DCN: variants seen among roughly 807,000 people sequenced by gnomAD.
DCN encodes bone proteoglycan II.
DCN carries 17 observed loss-of-function variants against 36.5 expected under a neutral mutation model. The ratio of observed to expected loss-of-function variants is 0.47; its 90% CI spans 0.32 to 0.70. DCN has a LOEUF of 0.70. Among genes scored for constraint, DCN ranks in the 30% least tolerant of loss-of-function variants. DCN has a pLI of 0.04. For synonymous variants in DCN, 163 were observed against 161.4 expected, an observed-to-expected ratio of 1.01 and a Z score of -0.07; for missense variants, 389 against 430.1, an observed-to-expected ratio of 0.90 and a Z score of 0.84.
Position 91,143,095 on chromosome 12 carries a change from G to T in DCN, c.*2963C>A, listed in dbSNP as rs924150851. On this transcript the variant is annotated 3_prime_UTR_variant, in exon 8 of 8. Coordinates refer to ENST00000052754, the MANE Select transcript of DCN (RefSeq NM_001920.5). ...CACATGAGAGAGAAGGCCATGTGAGGGTGAAGATGGAGGCATAAATTAGAG... is the reference window on the plus strand; with the variant it reads ...CACATGAGAGAGAAGGCCATGTGAGTGTGAAGATGGAGGCATAAATTAGAG... The T allele has an allele frequency of 6.6e-6, 1 of 152,192 alleles. No homozygotes were observed. The highest frequency in any genetic ancestry group is 1.9e-4 in the East Asian group (1 of 5,176). 9.4% of individuals were successfully genotyped at this position (152,192 alleles called of 1,614,324 possible).
chr12:91,162,044 G>C (rs527449777), intron 3 of DCN, among the ~76,000 whole-genome samples: 2 of 151,710 alleles, frequency 1.3e-5, no homozygotes, highest in African/African-American at 2.4e-5. Context: ...GGGTTCAAGC[G>C]ATTCTCCTGC....
intron 3 of DCN, among the ~76,000 whole-genome samples, chr12:91,162,170 A>C (rs1592692701): frequency 6.6e-6 from 1 of 151,744 alleles, no homozygotes; most frequent in Admixed American, 6.6e-5. Flanking sequence ...TGATCTCTTA[A>C]CCTTGTGATC....
At chr12:91,180,866 G>A (rs1868368180) in intron 1 of DCN, 2 of 152,128 alleles carry the variant, frequency 1.3e-5, no homozygotes, top group African/African-American at 4.8e-5. Flanking sequence ...CAAAGTCATT[G>A]CAGATTTAAT....
At chr12:91,155,937 A>G (rs1370030025) in intron 5 of DCN, among the ~76,000 whole-genome samples, 2 of 152,166 alleles carry the variant, frequency 1.3e-5, no homozygotes, top group Non-Finnish European at 2.9e-5. Flanking sequence ...CTGTAAAAGA[A>G]CAATAAAGGA....
chr12:91,169,378 C>CTAAAAAAAAAAAA lies in DCN; in HGVS notation c.212-4662_212-4661insTTTTTTTTTTTTA, dbSNP rs71097880. On this transcript the variant is annotated intron_variant, in intron 2 of 7. Coordinates refer to ENST00000052754, the MANE Select transcript of DCN (RefSeq NM_001920.5). ...CCTAGGCAACAGGGGGAGATCCTGT[C>CTAAAAAAAAAAAA]AAAAAAAAAAAAAAAAAAAAAAACC... 1.1e-4 allele frequency among the ~76,000 whole-genome samples: 8 copies of CTAAAAAAAAAAAA among 73,396 alleles called. 2 individuals carry two copies. The highest frequency in any genetic ancestry group is 9.7e-5 in the Non-Finnish European group (4 of 41,276). 48.2% of individuals were successfully genotyped at this position (73,396 alleles called of 152,430 possible). A position where few individuals can be genotyped will look rare whatever the true frequency, so the allele number is the denominator to read the frequency against.
intron 7 of DCN, among the ~76,000 whole-genome samples, chr12:91,150,087 C>A (rs888332061): frequency 1.3e-5 from 2 of 151,742 alleles, no homozygotes; most frequent in Non-Finnish European, 2.9e-5. Context: ...TGCAAAGGAA[C>A]CAGAATAGCC....
chr12:91,177,693 T>C, intron 2 of DCN: 1 of 698,298 alleles, frequency 1.4e-6, no homozygotes, highest in East Asian at 2.7e-5. Context: ...ACAATTATAT[T>C]GAATATTTAC....
intron 2 of DCN, among the ~76,000 whole-genome samples, chr12:91,166,427 A>C (rs1338719488): frequency 6.6e-6 from 1 of 152,186 alleles, no homozygotes; most frequent in Non-Finnish European, 1.5e-5. Flanking sequence ...AATTTCATGC[A>C]ATTAGGAATG....
rs561932626 is a variant in DCN at position 91,149,781 on chromosome 12, T to C, written c.885+1873A>G. Among the ~76,000 whole-genome samples, 4 of 152,336 alleles carry C rather than the reference T, an allele frequency of 2.6e-5. No individual in the cohort carries two copies. In the South Asian group the frequency reaches 8.3e-4, roughly 32 times the overall value. ...GCTCAATATATAAACATCAATTGTA[T>C]GTTTATACATTAGCAGCAAACAAAT... On this transcript the variant is annotated intron_variant, in intron 7 of 7. Coordinates refer to ENST00000052754, the MANE Select transcript of DCN (RefSeq NM_001920.5).
chr12:91,178,177 A>C (rs1161716855), intron 2 of DCN, among the ~76,000 whole-genome samples, 165 bp downstream of exon 2: 1 of 152,102 alleles, frequency 6.6e-6, no homozygotes, highest in Non-Finnish European at 1.5e-5. Context: ...AGAGAACAAC[A>C]ACGCTACTTT....
chr12:91,172,740 G>C, intron 2 of DCN: 1 of 699,140 alleles, frequency 1.4e-6, no homozygotes, highest in Non-Finnish European at 2.6e-6. Flanking sequence ...ATTAATTCAA[G>C]AACCAAGCCA....
intron 3 of DCN, among the ~76,000 whole-genome samples, chr12:91,164,323 AACCT>A (rs1882359993): frequency 2.0e-5 from 3 of 150,636 alleles, no homozygotes; most frequent in Non-Finnish European, 4.4e-5. Context: ...ATATGTAACT[AACCT>A]GCACAATGTG....
At chr12:91,172,685 T>C (rs1883043800) in intron 2 of DCN, 2 of 676,346 alleles carry the variant, frequency 3.0e-6, no homozygotes, top group Non-Finnish European at 5.4e-6. Flanking sequence ...CCCTTCTCTT[T>C]GCAGCTTGCT....
chr12:91,175,150 T>G (rs1883214842), intron 2 of DCN: 2 of 152,156 alleles, frequency 1.3e-5, no homozygotes, highest in Admixed American at 6.5e-5. Flanking sequence ...TTAACATTGC[T>G]TTTTGAAATA....
At chr12:91,180,186 C>T (rs966179401) in intron 1 of DCN, 2 of 151,740 alleles carry the variant, frequency 1.3e-5, no homozygotes, top group Non-Finnish European at 2.9e-5. Flanking sequence ...ATCATCTCTA[C>T]CTTGAATTGT....
chr12:91,177,825 T>C, intron 2 of DCN: 2 of 625,466 alleles, frequency 3.2e-6, no homozygotes, highest in South Asian at 1.6e-5. Context: ...ATTTTGATAC[T>C]TGAAAGATAA....
intron 3 of DCN, among the ~76,000 whole-genome samples, chr12:91,160,259 T>C (rs1882076488): frequency 6.6e-6 from 1 of 151,978 alleles, no homozygotes; most frequent in Non-Finnish European, 1.5e-5. Flanking sequence ...ACATCCAAAA[T>C]TGTGGATGCC....
chr12:91,154,995 C>T (rs950948426), intron 5 of DCN, among the ~76,000 whole-genome samples: 1 of 152,144 alleles, frequency 6.6e-6, no homozygotes, highest in Non-Finnish European at 1.5e-5. Context: ...TTTCTACTGC[C>T]TTTCCATTTC....
At chr12:91,180,014 C>T (rs1220424004) in intron 1 of DCN, among the ~76,000 whole-genome samples, 1 of 151,888 alleles carries the variant, frequency 6.6e-6, no homozygotes, top group African/African-American at 2.4e-5. Context: ...CTAAATAAAT[C>T]TGAGTGACAA....
Sources: allele counts gnomAD v4.1 joint callset (sites outside exome capture counted in the v4.1 genomes callset), GRCh38; gene constraint gnomAD v4.1.1; transcripts MANE v1.5; gene names NCBI Gene and HGNC (gene_info 2026-07-23, HGNC 2026-07-21).